ATP2B2: variants seen among roughly 807,000 people sequenced by gnomAD.
ATP2B2 encodes plasma membrane calcium-transporting ATPase 2.
A neutral mutation model predicts 120.0 loss-of-function variants in ATP2B2; 15 were observed. The observed-to-expected ratio is 0.12, with a 90% confidence interval of 0.08 to 0.19. The LOEUF (loss-of-function observed/expected upper bound fraction) is 0.19. ATP2B2 is among the 10% of genes least tolerant of loss of function. The pLI is 1.00. For missense variants in ATP2B2, 1,045 were observed against 1,719.8 expected (o/e 0.61, Z 6.94); for synonymous variants, 694 against 700.3 (o/e 0.99, Z 0.14).
rs111463841 is a variant in ATP2B2 at position 10,546,334 on chromosome 3, A to G, written c.-414-12201T>C. Among the ~76,000 whole-genome samples the G allele has an allele frequency of 4.3e-3, 649 of 151,884 alleles. 7 individuals carry two copies. The highest frequency in any genetic ancestry group is 0.015 in the African/African-American group (626 of 41,414). On this transcript the variant is annotated intron_variant, in intron 2 of 21. Transcript: ENST00000646379. ...CTCTCCCCATATCCACTTCTTTACC[A>G]CCTTCAGCCTCCCCTACAAATGATG... is the stretch of plus-strand genomic sequence containing the variant.
chr3:10,648,824 C>T (rs1160891313), intron 1 of ATP2B2, among the ~76,000 whole-genome samples: 1 of 152,232 alleles, frequency 6.6e-6, no homozygotes, highest in African/African-American at 2.4e-5. Flanking sequence ...TTCTCCCTAC[C>T]TCCATTTCTG....
At chr3:10,366,178 A>G (rs1233334793) in intron 12 of ATP2B2, among the ~76,000 whole-genome samples, 2 of 152,270 alleles carry the variant, frequency 1.3e-5, no homozygotes, top group South Asian at 4.1e-4. Flanking sequence ...GCTCACTCGA[A>G]TATTAGATCG....
intron 5 of ATP2B2, among the ~76,000 whole-genome samples, chr3:10,392,455 G>C (rs2061885161): frequency 6.6e-6 from 1 of 151,300 alleles, no homozygotes; most frequent in Non-Finnish European, 1.5e-5. Flanking sequence ...CGAGTCCCCT[G>C]CAGAGGGCAA....
At position 10,597,063 on chromosome 3, in the gene ATP2B2, CCACA is replaced by C. The variant is rs58466640; in HGVS notation, c.-415+22850_-415+22853del. 2.8e-3 allele frequency among the ~76,000 whole-genome samples: 400 copies of C among 142,930 alleles called. 1 individual carries two copies. Among genetic ancestry groups the C allele is most frequent in the African/African-American group, 9.1e-3 (351 of 38,412 alleles). 93.8% of individuals were successfully genotyped at this position (142,930 alleles called of 152,430 possible). On this transcript the variant is annotated intron_variant, in intron 2 of 21. Transcript: ENST00000646379. ...CACACAGGTGCGCACACACACAGGG[CCACA>C]CACACACACACACACACAGGCACAC... is the stretch of plus-strand genomic sequence containing the variant.
chr3:10,688,548 G>A (rs2071580225), intron 1 of ATP2B2, among the ~76,000 whole-genome samples: 1 of 152,210 alleles, frequency 6.6e-6, no homozygotes. Flanking sequence ...AGTTATAGAT[G>A]TGTCCCTGTT....
intron 1 of ATP2B2, among the ~76,000 whole-genome samples, chr3:10,491,211 G>T (rs1403298963): frequency 6.6e-6 from 1 of 150,508 alleles, no homozygotes; most frequent in Non-Finnish European, 1.5e-5. Context: ...ACATGTGCTG[G>T]CTCCTTCATT....
rs745769945 is a variant in ATP2B2 at position 10,378,361 on chromosome 3, A to T, written c.1092T>A (p.Ser364Arg). Residue 364 changes from serine (S) to arginine (R), a missense_variant, in exon 10 of 23, where the codon AGT becomes AGA. Transcript: ENST00000360273. Reference protein sequence around the residue: ...AAAMEMQPLKSAEGGDADDRK... With the variant: ...AAAMEMQPLKRAEGGDADDRK... The stretch of plus-strand genomic sequence containing the variant: ...TGTCGTCAGCGTCGCCGCCCTCGGC[A>T]CTCTTGAGGGGCTGCATCTCCATGG... The T allele has an allele frequency of 6.2e-7, 1 of 1,605,814 alleles. No homozygotes were observed. The highest frequency in any genetic ancestry group is 8.5e-7 in the Non-Finnish European group (1 of 1,179,966).
At chr3:10,564,370 C>A (rs2067965736) in intron 2 of ATP2B2, among the ~76,000 whole-genome samples, 2 of 152,128 alleles carry the variant, frequency 1.3e-5, no homozygotes, top group Non-Finnish European at 2.9e-5. Context: ...CTCCCTGCCC[C>A]TCCATCCCTA....
chr3:10,524,967 G>A (rs1332730616), intron 3 of ATP2B2, among the ~76,000 whole-genome samples: 5 of 152,298 alleles, frequency 3.3e-5, no homozygotes, highest in African/African-American at 1.2e-4. Flanking sequence ...CCTGTGCTGG[G>A]CATGGGAGGC....
intron 2 of ATP2B2, among the ~76,000 whole-genome samples, chr3:10,606,252 G>A (rs1213302280): frequency 6.6e-6 from 1 of 152,182 alleles, no homozygotes. Context: ...GCAGCTCTCT[G>A]AGCCTCAGTT....
chr3:10,467,116 T>C (rs1398642571), intron 1 of ATP2B2, among the ~76,000 whole-genome samples: 1 of 152,258 alleles, frequency 6.6e-6, no homozygotes, highest in East Asian at 1.9e-4. Flanking sequence ...TCTTTGACAC[T>C]GGATTGGAGC....
intron 2 of ATP2B2, among the ~76,000 whole-genome samples, chr3:10,586,967 C>T (rs2068524565): frequency 6.6e-6 from 1 of 152,304 alleles, no homozygotes; most frequent in Middle Eastern, 3.4e-3. Context: ...CTCGCCCTGA[C>T]CTTGAGTGAG....
intron 1 of ATP2B2, among the ~76,000 whole-genome samples, chr3:10,485,839 T>C (rs1380029662): frequency 1.3e-5 from 2 of 152,138 alleles, no homozygotes; most frequent in African/African-American, 4.8e-5. Context: ...GACTGTGCTC[T>C]TGGGAGTCAG....
chr3:10,417,989 A>C lies in ATP2B2; in HGVS notation c.200-7174T>G, dbSNP rs1210757470. ...CAGGAAAGGCTGGGAATAGAAACTG[A>C]ATTTATAGCATGCCACATGGGGTCA... On this transcript the variant is annotated intron_variant, in intron 2 of 22. Coordinates refer to ENST00000360273, the MANE Select transcript of ATP2B2 (RefSeq NM_001001331.4). 2.0e-5 allele frequency among the ~76,000 whole-genome samples: 3 copies of C among 152,140 alleles called. No individual in the cohort carries two copies. The East Asian group carries it at 5.8e-4, about 29-fold the overall frequency.
chr3:10,495,009 C>G (rs1559410980), intron 1 of ATP2B2, among the ~76,000 whole-genome samples: 1 of 152,188 alleles, frequency 6.6e-6, no homozygotes, highest in East Asian at 1.9e-4. Flanking sequence ...ACCACCTCTT[C>G]CCCAAATGTG....
chr3:10,618,419 G>C (rs1022783322), intron 2 of ATP2B2, among the ~76,000 whole-genome samples: 7 of 152,228 alleles, frequency 4.6e-5, no homozygotes, highest in African/African-American at 1.7e-4. Flanking sequence ...AAGGAGACAA[G>C]GCCCTGCCTT....
At chr3:10,649,873 G>A (rs575007230) in intron 1 of ATP2B2, among the ~76,000 whole-genome samples, 3 of 152,362 alleles carry the variant, frequency 2.0e-5, no homozygotes, top group East Asian at 3.9e-4. Context: ...ACCACCATGT[G>A]AGACATGCCT....
In ATP2B2 at chr3:10,375,424, T is replaced by G. The variant is rs376695869; in HGVS notation, c.1416+6A>C. 5.6e-6 allele frequency: 9 copies of G among 1,609,148 alleles called. No homozygotes were observed. The African/African-American group carries it at 1.1e-4, about 19-fold the overall frequency. On this transcript the variant is annotated splice_donor_region_variant and intron_variant, in intron 11 of 22. Transcript: ENST00000360273. The surrounding 1 kb of genome is among the most constrained non-coding windows in gnomAD (Gnocchi z 4.2). ...GCCGGCTGGTCCTGCTCTCCTCCCC[T>G]CTCACCTTCACCGAATAGGCCAACG... is the stretch of plus-strand genomic sequence containing the variant.
intron 1 of ATP2B2, among the ~76,000 whole-genome samples, chr3:10,690,675 G>A (rs1304526365): frequency 5.9e-5 from 9 of 152,264 alleles, no homozygotes; most frequent in East Asian, 3.9e-4. Flanking sequence ...TGGCTGAGCC[G>A]TGCAGGGTTT....
Sources: allele counts gnomAD v4.1 joint callset (sites outside exome capture counted in the v4.1 genomes callset), GRCh38; gene constraint gnomAD v4.1.1; non-coding constraint Gnocchi (gnomAD v3.1); transcripts MANE v1.5; gene names NCBI Gene and HGNC (gene_info 2026-07-23, HGNC 2026-07-21).